DYM: variants seen among roughly 807,000 people sequenced by gnomAD.
DYM encodes the protein dymeclin, also known as dyggve-Melchior-Clausen syndrome protein.
In DYM, 78 loss-of-function variants were observed where a neutral mutation model predicts 93.1. The ratio of observed to expected loss-of-function variants is 0.84; its 90% CI spans 0.70 to 1.01. The LOEUF (loss-of-function observed/expected upper bound fraction) is 1.01, where lower values mean the gene tolerates loss of function less well. DYM is among the 50% of genes least tolerant of loss of function. DYM has a pLI of 0.00. For missense variants in DYM, 789 were observed against 845.0 expected, an observed-to-expected ratio of 0.93 and a Z score of 0.82; for synonymous variants, 321 against 319.7, an observed-to-expected ratio of 1.00 and a Z score of -0.04.
intron 17 of DYM, among the ~76,000 whole-genome samples, chr18:49,081,855 T>C (rs1331800699): frequency 1.3e-5 from 2 of 152,208 alleles, no homozygotes; most frequent in African/African-American, 2.4e-5. Flanking sequence ...GTGTGCAGTG[T>C]GATGCTGTCA....
intron 2 of DYM, among the ~76,000 whole-genome samples, chr18:49,409,587 A>G (rs9949122): frequency 0.024 from 3,704 of 152,250 alleles, 140 homozygotes; most frequent in African/African-American, 0.083. Context: ...ACAGAGTACC[A>G]CTGTTGGATG....
chr18:49,258,839 C>CAGAGAGAGAGAG (rs61360021), intron 11 of DYM, among the ~76,000 whole-genome samples: 14 of 113,746 alleles, frequency 1.2e-4, no homozygotes, highest in Non-Finnish European at 2.5e-4. Context: ...CACACACACA[C>CAGAGAGAGAGAG]AGAGAGAGAG....
At chr18:49,309,421 G>A (rs2061460841) in intron 8 of DYM, among the ~76,000 whole-genome samples, 1 of 152,102 alleles carries the variant, frequency 6.6e-6, no homozygotes. Flanking sequence ...GCTGACTAGA[G>A]GCCAGGAGTT....
chr18:49,121,092 C>A (rs561001434), intron 15 of DYM, among the ~76,000 whole-genome samples: 1 of 152,170 alleles, frequency 6.6e-6, no homozygotes, highest in East Asian at 1.9e-4. Context: ...GAATATGACA[C>A]AGAGATAAAA....
intron 2 of DYM, among the ~76,000 whole-genome samples, chr18:49,394,899 C>A (rs72924985): frequency 0.037 from 5,600 of 152,178 alleles, 129 homozygotes; most frequent in Non-Finnish European, 0.054. Flanking sequence ...GGGGAAAGAA[C>A]AATCTCTTCA....
At chr18:49,185,323 A>G (rs1292978807) in intron 14 of DYM, among the ~76,000 whole-genome samples, 1 of 152,210 alleles carries the variant, frequency 6.6e-6, no homozygotes, top group Non-Finnish European at 1.5e-5. Context: ...GAAAAACACA[A>G]TGCTGCTAAA....
intron 1 of DYM, among the ~76,000 whole-genome samples, chr18:49,432,474 C>A: frequency 6.7e-6 from 1 of 148,642 alleles, no homozygotes; most frequent in African/African-American, 2.5e-5. Context: ...GGATACATCT[C>A]AAAAATATAA....
At chr18:49,255,945 G>T (rs533077945) in intron 13 of DYM, among the ~76,000 whole-genome samples, 55 of 151,692 alleles carry the variant, frequency 3.6e-4, no homozygotes, top group African/African-American at 1.2e-3. Flanking sequence ...TTAGCCGGGT[G>T]TGGTGGCGGG....
At chr18:49,449,839 A>G (rs1166589658) in intron 1 of DYM, among the ~76,000 whole-genome samples, 1 of 152,148 alleles carries the variant, frequency 6.6e-6, no homozygotes. Context: ...CAGGCCCAGG[A>G]CCCCATAAGC....
chr18:49,426,549 AAAT>A (rs910966744), intron 2 of DYM, among the ~76,000 whole-genome samples: 101 of 152,252 alleles, frequency 6.6e-4, no homozygotes, highest in African/African-American at 2.3e-3. Context: ...GTATAATAAA[AAAT>A]AATAATAAAA....
At chr18:49,136,345 T>C (rs117699571) in intron 15 of DYM, among the ~76,000 whole-genome samples, 1,823 of 152,310 alleles carry the variant, frequency 0.012, 14 homozygotes, top group Non-Finnish European at 0.018. Context: ...ATATATGTTA[T>C]ATATATATCC....
intron 13 of DYM, among the ~76,000 whole-genome samples, chr18:49,219,678 C>G (rs1383472235): frequency 6.6e-6 from 1 of 152,060 alleles, no homozygotes; most frequent in Admixed American, 6.5e-5. Flanking sequence ...TCAATAGATG[C>G]AGAAAAGGCC....
At chr18:49,060,423 C>T (rs1464618664) in intron 17 of DYM, among the ~76,000 whole-genome samples, 2 of 151,940 alleles carry the variant, frequency 1.3e-5, no homozygotes, top group East Asian at 1.9e-4. Flanking sequence ...AAGTGGTCCT[C>T]TCCAGTGCCC....
At chr18:49,265,651 G>A (rs1169291867) in intron 11 of DYM, among the ~76,000 whole-genome samples, 8 of 151,896 alleles carry the variant, frequency 5.3e-5, no homozygotes, top group Middle Eastern at 3.4e-3. Context: ...GGTGGCGGGC[G>A]CCTGTAATCC....
At chr18:49,408,988 A>T (rs2071860256) in intron 2 of DYM, among the ~76,000 whole-genome samples, 1 of 152,130 alleles carries the variant, frequency 6.6e-6, no homozygotes, top group Admixed American at 6.6e-5. Flanking sequence ...AAAAAGTAAA[A>T]ACTCAGTAAA....
chr18:49,283,509 A>G (rs753438895), intron 9 of DYM, among the ~76,000 whole-genome samples: 12 of 152,160 alleles, frequency 7.9e-5, no homozygotes, highest in Admixed American at 7.2e-4. Context: ...TGATATTCCA[A>G]TCTGACACAG....
intron 14 of DYM, among the ~76,000 whole-genome samples, chr18:49,164,184 A>G (rs1157370502): frequency 1.3e-5 from 2 of 152,172 alleles, no homozygotes; most frequent in African/African-American, 4.8e-5. Flanking sequence ...GTTGGACAAG[A>G]TTATTTCTCT....
chr18:49,213,772 T>C (rs1055530389), intron 13 of DYM, among the ~76,000 whole-genome samples: 1 of 152,160 alleles, frequency 6.6e-6, no homozygotes, highest in African/African-American at 2.4e-5. Context: ...GAAAGCTCAT[T>C]AGTAGACCCA....
chr18:49,253,568 A>G (rs1476272674), intron 13 of DYM, among the ~76,000 whole-genome samples: 2 of 152,194 alleles, frequency 1.3e-5, no homozygotes, highest in East Asian at 3.8e-4. Context: ...ACTCTGATCC[A>G]GTAGGTCAAA....
Sources: gnomAD v4.1 joint callset for allele counts (sites outside exome capture counted in the v4.1 genomes callset) on GRCh38, gnomAD v4.1.1 for gene constraint, MANE v1.5 for transcripts, NCBI Gene and HGNC (gene_info 2026-07-23, HGNC 2026-07-21) for gene names.